MAP3K14: variants seen among roughly 807,000 people sequenced by gnomAD.
The protein encoded by MAP3K14 is mitogen-activated protein kinase kinase kinase 14.
In MAP3K14, 16 loss-of-function variants were observed where a neutral mutation model predicts 99.2. The ratio of observed to expected loss-of-function variants is 0.16; its 90% CI spans 0.11 to 0.24. The LOEUF (loss-of-function observed/expected upper bound fraction) is 0.24. MAP3K14 is among the 10% of genes least tolerant of loss of function. The pLI, the probability that MAP3K14 is intolerant of heterozygous loss-of-function variation, is 1.00. For synonymous variants in MAP3K14, 462 were observed against 492.4 expected (o/e 0.94, Z 0.82); for missense variants, 784 against 1,208.7 (o/e 0.65, Z 5.21).
Position 45,267,296 on chromosome 17 carries a change from G to C in MAP3K14, c.2327-98C>G. The C allele has an allele frequency of 1.4e-6, 2 of 1,403,610 alleles. No homozygotes were observed. The highest frequency in any genetic ancestry group is 5.0e-5 in the East Asian group (2 of 40,124). The allele number at this position is 1,403,610 out of a possible 1,614,324, so 86.9% of individuals were successfully genotyped here. ...CACAGTCGGTAGAAGCTGAGCTGCT[G>C]GGGAAGGGGCTGGAAGAAAGCCCAC... is the stretch of plus-strand genomic sequence containing the variant. On this transcript the variant is annotated intron_variant, in intron 12 of 15. Transcript: ENST00000344686. The surrounding 1 kb of genome is among the most constrained non-coding windows in gnomAD (Gnocchi z 5.1).
rs775630194 is a variant in MAP3K14, at chr17:45,264,738, C to T, written c.2742G>A (p.Glu914=). The change falls in exon 16 of 16, where the codon GAG becomes GAA. Residue 914 remains glutamate (E), a synonymous_variant. Coordinates refer to ENST00000344686, the MANE Select transcript of MAP3K14 (RefSeq NM_003954.5). ...KDGQPVRYDM[E]VPDSGIDLQC... ...GCAGGTCGATGCCCGAGTCTGGCACCTCCATGTCGTAGCGAACAGGCTGCC... is the reference window on the plus strand; with the variant it reads ...GCAGGTCGATGCCCGAGTCTGGCACTTCCATGTCGTAGCGAACAGGCTGCC... 27 of 1,613,068 alleles carry T rather than the reference C, an allele frequency of 1.7e-5. No homozygotes were observed. The highest frequency in any genetic ancestry group is 1.6e-4 in the Middle Eastern group (1 of 6,080).
chr17:45,290,766 C>T lies in MAP3K14; in HGVS notation c.-20-1G>A, dbSNP rs2044304221. ...GCCATCTCCCAGGCTTGTGCTCATCCTGAGAGAGACCAAACACAGAGCAGG... is the reference window on the plus strand; with the variant it reads ...GCCATCTCCCAGGCTTGTGCTCATCTTGAGAGAGACCAAACACAGAGCAGG... On this transcript the variant is annotated splice_acceptor_variant, in intron 1 of 15. Transcript: ENST00000344686. LOFTEE classifies it low-confidence loss of function (5UTR_SPLICE). 6.2e-7 allele frequency: 1 copy of T among 1,608,040 alleles called. No homozygotes were observed. The highest frequency in any genetic ancestry group is 8.5e-7 in the Non-Finnish European group (1 of 1,175,578).
chr17:45,290,537 C>T lies in MAP3K14; in HGVS notation c.209G>A (p.Gly70Asp). Residue 70 changes from glycine (G) to aspartate (D), a missense_variant, in exon 2 of 16, where the codon GGC (glycine) becomes GAC (aspartate). By Grantham distance (94) the Gly-to-Asp change is moderately conservative. Coordinates refer to ENST00000344686, the MANE Select transcript of MAP3K14 (RefSeq NM_003954.5). ...GATGGCAGCTGGCCCTGCCTCGGAGCCTTCCTTGGCTGTGCCCTTGGTAAT... is the reference window on the plus strand; with the variant it reads ...GATGGCAGCTGGCCCTGCCTCGGAGTCTTCCTTGGCTGTGCCCTTGGTAAT... ...DVITKGTAKEGSEAGPAAISI... is the reference protein window; with the variant it reads ...DVITKGTAKEDSEAGPAAISI... 1 of 1,613,970 alleles carries T rather than the reference C, an allele frequency of 6.2e-7. No homozygotes were observed. Among genetic ancestry groups the T allele is most frequent in the Non-Finnish European group, 8.5e-7 (1 of 1,179,892 alleles).
chr17:45,292,902 A>T (rs763416774), intron 1 of MAP3K14, among the ~76,000 whole-genome samples: 1 of 152,182 alleles, frequency 6.6e-6, no homozygotes, highest in Non-Finnish European at 1.5e-5. Flanking sequence ...CACCCAACCC[A>T]CGTGTGACAG....
intron 1 of MAP3K14, among the ~76,000 whole-genome samples, chr17:45,301,525 A>C (rs1168168554): frequency 6.6e-6 from 1 of 152,272 alleles, no homozygotes; most frequent in South Asian, 2.1e-4. Context: ...AAAAAAGTCT[A>C]ATTACAGGGG....
intron 6 of MAP3K14, among the ~76,000 whole-genome samples, chr17:45,283,966 A>T (rs2044243359): frequency 6.6e-6 from 1 of 152,090 alleles, no homozygotes; most frequent in African/African-American, 2.4e-5. Context: ...AGAAGGACCG[A>T]CACCTGTAAG....
chr17:45,266,457 C>CA (rs2044083426), intron 14 of MAP3K14, 80 bp downstream of exon 14: 2 of 1,507,062 alleles, frequency 1.3e-6, no homozygotes, highest in South Asian at 1.3e-5. Context: ...GGAGGGGAGA[C>CA]AAAATCCCTC....
Position 45,267,931 on chromosome 17 carries a change from G to A in MAP3K14, c.1973-172C>T. Reference sequence around the variant, plus strand: ...GAGGGCAGCATGGTGGTCTCCACAGGAGACTTCCTCAATAAAATGGTCCCA... The same window carrying A: ...GAGGGCAGCATGGTGGTCTCCACAGAAGACTTCCTCAATAAAATGGTCCCA... On this transcript the variant is annotated intron_variant, in intron 11 of 15. Coordinates refer to ENST00000344686, the MANE Select transcript of MAP3K14 (RefSeq NM_003954.5). The surrounding 1 kb of genome is among the most constrained non-coding windows in gnomAD (Gnocchi z 5.1). The A allele has an allele frequency of 1.7e-6, 1 of 579,480 alleles. No homozygotes were observed. The highest frequency in any genetic ancestry group is 2.3e-5 in the South Asian group (1 of 44,282). 35.9% of individuals were successfully genotyped at this position (579,480 alleles called of 1,614,324 possible).
At chr17:45,313,520 G>A (rs1214381509) in intron 1 of MAP3K14, among the ~76,000 whole-genome samples, 1 of 152,110 alleles carries the variant, frequency 6.6e-6, no homozygotes, top group Non-Finnish European at 1.5e-5. Flanking sequence ...GCAGGCCGTG[G>A]CAGACCTCGA....
At chr17:45,296,543 G>A (rs375524603) in intron 1 of MAP3K14, among the ~76,000 whole-genome samples, 1 of 151,432 alleles carries the variant, frequency 6.6e-6, no homozygotes, top group African/African-American at 2.4e-5. Flanking sequence ...AGAAAAGGAG[G>A]GGAAAAAAAA....
In MAP3K14 at chr17:45,264,284, A is replaced by C. The variant is rs1433102483; in HGVS notation, c.*352T>G. The stretch of plus-strand genomic sequence containing the variant: ...CCCACCCCTTCTGACCCAGGCTGGA[A>C]GCTGCTCTCCCCTGTCTGCCAGCAA... On this transcript the variant is annotated 3_prime_UTR_variant, in exon 16 of 16. Transcript: ENST00000344686. The C allele has an allele frequency of 9.9e-6, 2 of 201,264 alleles. No individual in the cohort carries two copies. Among genetic ancestry groups the C allele is most frequent in the Non-Finnish European group, 2.0e-5 (2 of 99,418 alleles). 12.5% of individuals were successfully genotyped at this position (201,264 alleles called of 1,614,324 possible). A position where few individuals can be genotyped will look rare whatever the true frequency, so the allele number is the denominator to read the frequency against.
chr17:45,293,231 G>A (rs1336793222), intron 1 of MAP3K14, among the ~76,000 whole-genome samples: 2 of 152,214 alleles, frequency 1.3e-5, no homozygotes, highest in African/African-American at 4.8e-5. Flanking sequence ...AGGCCAGGTG[G>A]TGCAGTTGCT....
chr17:45,302,709 A>AAT (rs2044399859), intron 1 of MAP3K14, among the ~76,000 whole-genome samples: 1 of 152,206 alleles, frequency 6.6e-6, no homozygotes, highest in African/African-American at 2.4e-5. Flanking sequence ...GGGGCTTTAT[A>AAT]AATATGTGAT....
chr17:45,296,471 A>G (rs2044347241), intron 1 of MAP3K14, among the ~76,000 whole-genome samples: 1 of 151,980 alleles, frequency 6.6e-6, no homozygotes, highest in Non-Finnish European at 1.5e-5. Flanking sequence ...TGACTGCACC[A>G]CCGCACTCCA....
chr17:45,290,056 C>T (rs554572286), intron 2 of MAP3K14, among the ~76,000 whole-genome samples: 15 of 152,346 alleles, frequency 9.8e-5, no homozygotes, highest in African/African-American at 3.6e-4. Flanking sequence ...GGCTCAAGAG[C>T]ACGGTGCTCA....
intron 1 of MAP3K14, among the ~76,000 whole-genome samples, chr17:45,296,988 C>T (rs2044350597): frequency 6.6e-6 from 1 of 152,204 alleles, no homozygotes; most frequent in African/African-American, 2.4e-5. Flanking sequence ...GGGCACTGTG[C>T]CAGGAACTCT....
intron 6 of MAP3K14, among the ~76,000 whole-genome samples, chr17:45,280,299 CTTTT>C (rs751994880): frequency 1.6e-5 from 2 of 122,328 alleles, no homozygotes; most frequent in African/African-American, 3.3e-5. Flanking sequence ...CACAGAAACA[CTTTT>C]TTTTTTTTTT....
rs1267103423 is a variant in MAP3K14, at chr17:45,267,001, T to G, written c.2433+91A>C. 1 of 973,618 alleles carries G rather than the reference T, an allele frequency of 1.0e-6. No homozygotes were observed. Among genetic ancestry groups the G allele is most frequent in the Admixed American group, 2.1e-5 (1 of 48,244 alleles). The allele number at this position is 973,618 out of a possible 1,614,324, so 60.3% of individuals were successfully genotyped here. A position where few individuals can be genotyped will look rare whatever the true frequency, so the allele number is the denominator to read the frequency against. ...TACCCACTACTTGCACAGTGTCCAT[T>G]CACTAGCTGGACGCAAAGCTACTTG... On this transcript the variant is annotated intron_variant, in intron 13 of 15. Transcript: ENST00000344686. The surrounding 1 kb of genome is among the most constrained non-coding windows in gnomAD (Gnocchi z 5.1).
chr17:45,313,132 T>A (rs190595037), intron 1 of MAP3K14, among the ~76,000 whole-genome samples: 11 of 152,208 alleles, frequency 7.2e-5, no homozygotes, highest in African/African-American at 2.7e-4. Flanking sequence ...GAGCTGAAGC[T>A]TTTAGACTGA....
Sources: gnomAD v4.1 joint callset for allele counts (sites outside exome capture counted in the v4.1 genomes callset) on GRCh38, gnomAD v4.1.1 for gene constraint, Gnocchi (gnomAD v3.1) non-coding constraint, MANE v1.5 for transcripts, NCBI Gene and HGNC (gene_info 2026-07-23, HGNC 2026-07-21) for gene names.